KDM4C: variants seen among roughly 807,000 people sequenced by gnomAD.
KDM4C encodes lysine-specific demethylase 4C.
A neutral mutation model predicts 129.3 loss-of-function variants in KDM4C; 81 were observed. That is an observed-to-expected ratio of 0.63 (90% CI 0.52 to 0.75). The LOEUF is 0.75. Among genes scored for constraint, KDM4C ranks in the 30% least tolerant of loss-of-function variants. The pLI is 0.00. For synonymous variants in KDM4C, 573 were observed against 456.1 expected, an observed-to-expected ratio of 1.26 and a Z score of -3.26; for missense variants, 1,457 against 1,304.0, an observed-to-expected ratio of 1.12 and a Z score of -1.81.
At chr9:6,998,146 C>T (rs1820103551) in intron 12 of KDM4C, among the ~76,000 whole-genome samples, 1 of 152,188 alleles carries the variant, frequency 6.6e-6, no homozygotes, top group African/African-American at 2.4e-5. Context: ...AAATTAAAGA[C>T]AGCTTACACC....
chr9:7,170,830 A>G (rs902920797), intron 21 of KDM4C: 1 of 928,648 alleles, frequency 1.1e-6, no homozygotes, highest in African/African-American at 1.8e-5. Context: ...AGGGATGTCC[A>G]ATCTTTTTGC....
upstream of KDM4C, among the ~76,000 whole-genome samples, chr9:6,754,460 G>T (rs563596493): frequency 5.9e-5 from 9 of 152,092 alleles, no homozygotes; most frequent in African/African-American, 2.2e-4. Flanking sequence ...TGATATGCCC[G>T]CCTTGGCCTC....
chr9:7,012,643 T>A (rs1164621097), intron 13 of KDM4C, among the ~76,000 whole-genome samples: 1 of 152,220 alleles, frequency 6.6e-6, no homozygotes, highest in Non-Finnish European at 1.5e-5. Flanking sequence ...CTGTGCGTGA[T>A]GTTGTTTTCA....
chr9:6,906,122 A>C (rs1383726360), intron 8 of KDM4C, among the ~76,000 whole-genome samples: 1 of 152,174 alleles, frequency 6.6e-6, no homozygotes, highest in African/African-American at 2.4e-5. Context: ...AGAATTTCAA[A>C]GGGCACATGT....
chr9:7,092,471 C>G (rs930420149), intron 17 of KDM4C, among the ~76,000 whole-genome samples: 1 of 152,198 alleles, frequency 6.6e-6, no homozygotes, highest in Non-Finnish European at 1.5e-5. Context: ...ATTAATCTGA[C>G]CAGGGCTGTT....
At chr9:6,950,340 T>G (rs904630591) in intron 8 of KDM4C, among the ~76,000 whole-genome samples, 57 of 152,304 alleles carry the variant, frequency 3.7e-4, no homozygotes, top group African/African-American at 1.3e-3. Context: ...TAGAAATCTA[T>G]GTTTAGAATG....
chr9:6,830,159 C>T (rs1383831265), intron 4 of KDM4C, among the ~76,000 whole-genome samples: 5 of 152,148 alleles, frequency 3.3e-5, no homozygotes, highest in Admixed American at 3.3e-4. Context: ...ATTGTTAAAG[C>T]CATGAAGTAA....
At chr9:6,804,720 C>T (rs950917095) in intron 2 of KDM4C, among the ~76,000 whole-genome samples, 6 of 149,570 alleles carry the variant, frequency 4.0e-5, no homozygotes, top group African/African-American at 1.5e-4. Context: ...GATCGTGCCA[C>T]TGCTCCCCAG....
chr9:6,740,595 T>C (rs190493502), intron 1 of KDM4C, among the ~76,000 whole-genome samples: 30 of 152,274 alleles, frequency 2.0e-4, no homozygotes, highest in Non-Finnish European at 4.0e-4. Flanking sequence ...CTTGGCTCAC[T>C]GCAACCTCCA....
chr9:6,939,158 G>A (rs952175229), intron 8 of KDM4C, among the ~76,000 whole-genome samples: 2 of 151,918 alleles, frequency 1.3e-5, no homozygotes, highest in African/African-American at 4.8e-5. Flanking sequence ...GAGCTAGCAA[G>A]GGCAGCAGGT....
intron 15 of KDM4C, among the ~76,000 whole-genome samples, chr9:7,037,278 T>C (rs759403509): frequency 3.9e-5 from 6 of 152,192 alleles, no homozygotes; most frequent in Admixed American, 6.5e-5. Flanking sequence ...AAATTGGCTT[T>C]AGTGGCACTT....
chr9:6,845,425 G>A (rs140101023), intron 4 of KDM4C, among the ~76,000 whole-genome samples: 2 of 152,206 alleles, frequency 1.3e-5, no homozygotes, highest in African/African-American at 4.8e-5. Flanking sequence ...GTGTTGCCCA[G>A]GGTGATCTTG....
intron 1 of KDM4C, among the ~76,000 whole-genome samples, chr9:6,774,358 A>G (rs530120584): frequency 6.6e-6 from 1 of 152,030 alleles, no homozygotes; most frequent in Admixed American, 6.6e-5. Context: ...TGACATACAG[A>G]GGGATTTCTT....
chr9:6,863,021 C>T (rs1841248925), intron 5 of KDM4C, among the ~76,000 whole-genome samples: 1 of 151,802 alleles, frequency 6.6e-6, no homozygotes, highest in Non-Finnish European at 1.5e-5. Context: ...AATAGTTATA[C>T]CTATTTTGGG....
In KDM4C at chr9:6,942,369, T is replaced by C. The variant is rs1304362595; in HGVS notation, c.922-38556T>C. 2.0e-5 allele frequency: 3 copies of C among 151,638 alleles called. No individual in the cohort carries two copies. In the East Asian group the frequency reaches 5.9e-4, roughly 30 times the overall value. 9.4% of individuals were successfully genotyped at this position (151,638 alleles called of 1,614,324 possible). A position where few individuals can be genotyped will look rare whatever the true frequency, so the allele number is the denominator to read the frequency against. On this transcript the variant is annotated intron_variant, in intron 8 of 21. Coordinates refer to ENST00000381309, the MANE Select transcript of KDM4C (RefSeq NM_015061.6). ...CACTCAAGCTTCCTGGAATCTAGGTTGTAAGGTACTGAGGCCAATGGCTGC... is the reference window on the plus strand; with the variant it reads ...CACTCAAGCTTCCTGGAATCTAGGTCGTAAGGTACTGAGGCCAATGGCTGC...
chr9:6,724,457 C>G (rs1334912752), intron 1 of KDM4C, among the ~76,000 whole-genome samples: 1 of 152,116 alleles, frequency 6.6e-6, no homozygotes, highest in Non-Finnish European at 1.5e-5. Context: ...AGGTAATGCT[C>G]AGCGAGCATC....
chr9:6,767,132 T>C (rs1466714669), intron 1 of KDM4C, among the ~76,000 whole-genome samples: 1 of 149,884 alleles, frequency 6.7e-6, no homozygotes, highest in Non-Finnish European at 1.5e-5. Flanking sequence ...TAACTTTCTT[T>C]TTTGCTTTTT....
In KDM4C at chr9:6,793,798, T is replaced by C. The variant is rs993685462; in HGVS notation, c.144+666T>C. Among the ~76,000 whole-genome samples, 7 of 152,192 alleles carry C rather than the reference T, an allele frequency of 4.6e-5. No homozygotes were observed. In the South Asian group the frequency reaches 1.2e-3, roughly 27 times the overall value. ...CCTCAGGTGATCCATCCGCCTCGGC[T>C]TCCCAAAGTGCGGGGATTAAAGGCG... On this transcript the variant is annotated intron_variant, in intron 2 of 21. Transcript: ENST00000381309.
At chr9:6,821,508 A>G (rs544525158) in intron 4 of KDM4C, among the ~76,000 whole-genome samples, 6 of 152,166 alleles carry the variant, frequency 3.9e-5, no homozygotes, top group Non-Finnish European at 8.8e-5. Flanking sequence ...TGTTGGCTGC[A>G]TAGATGTCTT....
Sources: allele counts gnomAD v4.1 joint callset (sites outside exome capture counted in the v4.1 genomes callset), GRCh38; gene constraint gnomAD v4.1.1; transcripts MANE v1.5; gene names NCBI Gene and HGNC (gene_info 2026-07-23, HGNC 2026-07-21).